The following ALMS1 variants were observed in gnomAD, a reference collection of about 807,000 sequenced individuals.
The protein encoded by ALMS1 is ALMS1 centrosome and basal body associated protein.
In ALMS1, 271 loss-of-function variants were observed where a neutral mutation model predicts 352.2. The observed-to-expected ratio is 0.77, with a 90% CI of 0.70 to 0.85. The LOEUF is 0.85. ALMS1 is among the 40% of genes least tolerant of loss of function. The probability of loss-of-function intolerance (pLI) is 0.00; values close to 1 mark genes in which losing one functional copy is unlikely to be tolerated. For missense variants in ALMS1, 5,445 were observed against 4,870.7 expected (o/e 1.12, Z -3.51); for synonymous variants, 1,865 against 1,761.2 (o/e 1.06, Z -1.48).
chr2:73,433,153 G>A (rs920832058), intron 7 of ALMS1, among the ~76,000 whole-genome samples: 2 of 152,254 alleles, frequency 1.3e-5, no homozygotes, highest in African/African-American at 4.8e-5. Flanking sequence ...GGATTGGAGG[G>A]CAGTTCTGAG....
chr2:73,585,354 T>C (rs1675286360), intron 16 of ALMS1, among the ~76,000 whole-genome samples: 1 of 151,972 alleles, frequency 6.6e-6, no homozygotes, highest in African/African-American at 2.4e-5. Context: ...CTCATTGTGG[T>C]TTTAATTTGC....
At chr2:73,433,874 A>C (rs532212413) in intron 7 of ALMS1, among the ~76,000 whole-genome samples, 1 of 152,178 alleles carries the variant, frequency 6.6e-6, no homozygotes, top group African/African-American at 2.4e-5. Flanking sequence ...CCATTTAGCT[A>C]GGCTATCTGT....
chr2:73,480,144 T>C (rs992505185), intron 9 of ALMS1, among the ~76,000 whole-genome samples: 1 of 152,056 alleles, frequency 6.6e-6, no homozygotes, highest in African/African-American at 2.4e-5. Flanking sequence ...GTTACATATG[T>C]ATACATGTGC....
intron 9 of ALMS1, among the ~76,000 whole-genome samples, chr2:73,485,464 A>G (rs1017019101): frequency 9.2e-5 from 14 of 152,226 alleles, no homozygotes; most frequent in Non-Finnish European, 1.6e-4. Flanking sequence ...TGGGAGAACC[A>G]CTGCTCTCTT....
chr2:73,542,284 T>C (rs1172689674), intron 12 of ALMS1, among the ~76,000 whole-genome samples: 1 of 152,166 alleles, frequency 6.6e-6, no homozygotes, highest in African/African-American at 2.4e-5. Flanking sequence ...ATTATCTCAA[T>C]AGATGCAGAA....
At chr2:73,411,182 G>GAGAAAAACATGTGAGGAGA (rs1671069364) in intron 2 of ALMS1, among the ~76,000 whole-genome samples, 1 of 151,872 alleles carries the variant, frequency 6.6e-6, no homozygotes. Context: ...TATGAAAGAG[G>GAGAAAAACATGTGAGGAGA]AAAGCACCAT....
Position 73,563,596 on chromosome 2 carries a change from G to A in ALMS1, c.10384+4454G>A, listed in dbSNP as rs561989665. On this transcript the variant is annotated intron_variant, in intron 15 of 22. Transcript: ENST00000613296. Reference sequence around the variant, plus strand: ...AAATTAGCCGGGCGTGGTGGCAGGCGCCTGTAGTCCCAGCTACTCAGGAGG... The same window carrying A: ...AAATTAGCCGGGCGTGGTGGCAGGCACCTGTAGTCCCAGCTACTCAGGAGG... Among the ~76,000 whole-genome samples the A allele has an allele frequency of 5.3e-5, 8 of 151,720 alleles. No individual in the cohort carries two copies. In the East Asian group the frequency reaches 7.8e-4, roughly 15 times the overall value.
chr2:73,583,725 C>T (rs928774113), intron 16 of ALMS1, among the ~76,000 whole-genome samples: 3 of 152,196 alleles, frequency 2.0e-5, no homozygotes, highest in African/African-American at 7.2e-5. Flanking sequence ...ATCCAAGCAT[C>T]ATTTGAAAGC....
chr2:73,575,998 T>C (rs1215522888), intron 16 of ALMS1, among the ~76,000 whole-genome samples: 1 of 152,212 alleles, frequency 6.6e-6, no homozygotes. Context: ...TTTTTGTGTA[T>C]GGTGTAAGAT....
At chr2:73,507,042 GT>G (rs1241180028) in intron 10 of ALMS1, among the ~76,000 whole-genome samples, 1 of 151,970 alleles carries the variant, frequency 6.6e-6, no homozygotes, top group African/African-American at 2.4e-5. Context: ...TAATCATGTG[GT>G]TTTTTGTTAT....
In ALMS1 at chr2:73,573,311, A is replaced by C. The variant is rs2104108144; in HGVS notation, c.11434A>C (p.Ile3812Leu). ...SPRRIKLYSS[I>L]TNQQRRYLEK... is the part of the protein sequence containing the mutation. ...CAGACGAATTAAATTATATAGCAGC[A>C]TCACCAACCAACAGAGGAGATACCT... is the stretch of plus-strand genomic sequence containing the variant. Residue 3812 changes from isoleucine (I) to leucine (L), a missense_variant, in exon 16 of 23, where the codon ATC (isoleucine) becomes CTC (leucine). Ile to Leu is a conservative substitution (Grantham distance 5). Coordinates refer to ENST00000613296, the MANE Select transcript of ALMS1 (RefSeq NM_001378454.1). The C allele has an allele frequency of 6.2e-7, 1 of 1,614,142 alleles. No individual in the cohort carries two copies. The highest frequency in any genetic ancestry group is 8.5e-7 in the Non-Finnish European group (1 of 1,180,014).
At chr2:73,528,596 T>C (rs915801833) in intron 11 of ALMS1, among the ~76,000 whole-genome samples, 3 of 152,210 alleles carry the variant, frequency 2.0e-5, no homozygotes, top group African/African-American at 7.2e-5. Context: ...TCCTGTTATT[T>C]TTAGTCTATT....
At chr2:73,388,028 G>A (rs570561901) in intron 1 of ALMS1, among the ~76,000 whole-genome samples, 3 of 152,300 alleles carry the variant, frequency 2.0e-5, no homozygotes, top group Non-Finnish European at 2.9e-5. Flanking sequence ...GGTGGAGGTG[G>A]TGGCTGTGAG....
At chr2:73,558,938 C>G (rs1374220562) in intron 14 of ALMS1, 34 bp from the exon 15 acceptor site, 2 of 1,611,174 alleles carry the variant, frequency 1.2e-6, no homozygotes. Context: ...TGTCAAGTTC[C>G]TGTCTGTATA....
intron 19 of ALMS1, among the ~76,000 whole-genome samples, 163 bp from the exon 20 acceptor site, chr2:73,602,022 C>T (rs1236457779): frequency 6.6e-6 from 1 of 152,150 alleles, no homozygotes; most frequent in East Asian, 1.9e-4. Flanking sequence ...CAGCTCTCCC[C>T]CATAGAGAGA....
At chr2:73,486,354 C>T (rs911905726) in intron 9 of ALMS1, among the ~76,000 whole-genome samples, 3 of 152,156 alleles carry the variant, frequency 2.0e-5, no homozygotes, top group Admixed American at 6.5e-5. Flanking sequence ...TATCAGCCAG[C>T]AGAGATGAAA....
intron 1 of ALMS1, among the ~76,000 whole-genome samples, chr2:73,396,277 A>C (rs1670758083): frequency 6.6e-6 from 1 of 151,700 alleles, no homozygotes; most frequent in South Asian, 2.1e-4. Context: ...GTGTATAAAC[A>C]TTTTATGTGT....
chr2:73,451,008 A>G lies in ALMS1; in HGVS notation c.4481A>G (p.His1494Arg). 2 of 1,613,964 alleles carry G rather than the reference A, an allele frequency of 1.2e-6. No individual in the cohort carries two copies. The highest frequency in any genetic ancestry group is 1.7e-6 in the Non-Finnish European group (2 of 1,179,942). The change falls in exon 8 of 23, where the codon CAT (histidine) becomes CGT (arginine). Residue 1494 changes from histidine to arginine, a missense_variant. His to Arg is a conservative substitution (Grantham distance 29). Transcript: ENST00000613296. Reference sequence around the variant, plus strand: ...TACAAACAGGCCTTTCCAGAGGGTCATCTACCTGAAGAGTCTCTGAAAGTT... The same window carrying G: ...TACAAACAGGCCTTTCCAGAGGGTCGTCTACCTGAAGAGTCTCTGAAAGTT... The part of the protein sequence containing the change: ...VIYKQAFPEG[H>R]LPEESLKVSV...
chr2:73,501,398 G>A (rs928944916), intron 10 of ALMS1, among the ~76,000 whole-genome samples: 7 of 151,808 alleles, frequency 4.6e-5, no homozygotes, highest in African/African-American at 1.7e-4. Context: ...ATCAAGTGTT[G>A]TAAAAGTTTT....
Sources: allele counts gnomAD v4.1 joint callset (sites outside exome capture counted in the v4.1 genomes callset), GRCh38; gene constraint gnomAD v4.1.1; transcripts MANE v1.5; gene names NCBI Gene and HGNC (gene_info 2026-07-23, HGNC 2026-07-21).